DAB2: variants seen among roughly 807,000 people sequenced by gnomAD.
The protein encoded by DAB2 is disabled homolog 2.
A neutral mutation model predicts 71.6 loss-of-function variants in DAB2; 28 were observed. The ratio of observed to expected loss-of-function variants is 0.39; its 90% CI spans 0.29 to 0.54. The LOEUF (loss-of-function observed/expected upper bound fraction) is 0.54, where lower values mean the gene tolerates loss of function less well. DAB2 is among the 20% of genes least tolerant of loss of function. The probability of loss-of-function intolerance (pLI) is 0.68; values close to 1 mark genes in which losing one functional copy is unlikely to be tolerated. For synonymous variants in DAB2, 345 were observed against 339.7 expected (o/e 1.02, Z -0.17); for missense variants, 867 against 928.8 (o/e 0.93, Z 0.86).
At chr5:39,421,946 T>G (rs1374646436) in intron 1 of DAB2, among the ~76,000 whole-genome samples, 1 of 151,010 alleles carries the variant, frequency 6.6e-6, no homozygotes, top group Non-Finnish European at 1.5e-5. Flanking sequence ...GGCGGGTACC[T>G]CTAATCCCAA....
intron 13 of DAB2, among the ~76,000 whole-genome samples, chr5:39,375,740 G>T (rs771748739): frequency 2.0e-5 from 3 of 152,212 alleles, no homozygotes; most frequent in Non-Finnish European, 2.9e-5. Context: ...ACAAAAATTA[G>T]CCAGGTGTGG....
chr5:39,415,427 G>A (rs559496076), intron 1 of DAB2, among the ~76,000 whole-genome samples: 20 of 152,266 alleles, frequency 1.3e-4, no homozygotes, highest in Admixed American at 3.9e-4. Flanking sequence ...TTGGCATTCA[G>A]TCTGGCATTC....
chr5:39,373,959 G>A (rs565767873), intron 14 of DAB2, among the ~76,000 whole-genome samples: 1 of 152,220 alleles, frequency 6.6e-6, no homozygotes, highest in East Asian at 1.9e-4. Flanking sequence ...TAGGACCCAG[G>A]AATTTGCATT....
intron 6 of DAB2, 24 bp from the exon 7 acceptor site, chr5:39,389,147 G>A: frequency 6.3e-7 from 1 of 1,597,384 alleles, no homozygotes; most frequent in Non-Finnish European, 8.6e-7. Context: ...TACATATTCA[G>A]TGATCTTCAT....
intron 9 of DAB2, chr5:39,387,754 T>G (rs2112047780): frequency 6.6e-6 from 1 of 152,130 alleles, no homozygotes; most frequent in African/African-American, 2.4e-5. Flanking sequence ...AATACTGTTC[T>G]GTTCTTACAG....
At chr5:39,383,655 T>A (rs1197397958) in intron 9 of DAB2, among the ~76,000 whole-genome samples, 1 of 152,194 alleles carries the variant, frequency 6.6e-6, no homozygotes, top group South Asian at 2.1e-4. Context: ...TAAATGATTA[T>A]CAAAGTATGT....
At chr5:39,402,682 T>C (rs1190658631) in intron 1 of DAB2, among the ~76,000 whole-genome samples, 1 of 152,224 alleles carries the variant, frequency 6.6e-6, no homozygotes, top group African/African-American at 2.4e-5. Context: ...CCTCTCAAAA[T>C]GTTGTAATTA....
At chr5:39,418,018 T>C (rs1470046748) in intron 1 of DAB2, 1 of 152,234 alleles carries the variant, frequency 6.6e-6, no homozygotes, top group East Asian at 1.9e-4. Context: ...TTGTTTTTTC[T>C]ACTTCAAAAA....
chr5:39,389,152 C>A, intron 6 of DAB2, 29 bp from the exon 7 acceptor site: 2 of 1,590,564 alleles, frequency 1.3e-6, no homozygotes, highest in South Asian at 1.1e-5. Context: ...ATTCAGTGAT[C>A]TTCATATTCA....
At chr5:39,419,096 G>A (rs1394084560) in intron 1 of DAB2, among the ~76,000 whole-genome samples, 1 of 152,184 alleles carries the variant, frequency 6.6e-6, no homozygotes, top group Non-Finnish European at 1.5e-5. Context: ...AGTTTGAGAT[G>A]TGATCTCTGT....
chr5:39,384,969 C>T (rs893676636), intron 9 of DAB2, among the ~76,000 whole-genome samples: 1 of 151,796 alleles, frequency 6.6e-6, no homozygotes, highest in Non-Finnish European at 1.5e-5. Context: ...AAATAGAACT[C>T]CTTGGCTTTT....
intron 9 of DAB2, among the ~76,000 whole-genome samples, chr5:39,387,423 A>T (rs543536188): frequency 6.6e-6 from 1 of 152,304 alleles, no homozygotes; most frequent in African/African-American, 2.4e-5. Context: ...AACTAGATAA[A>T]TACCCTGTAG....
At position 39,380,949 on chromosome 5, in the gene DAB2, C is replaced by T. The variant is rs138734672; in HGVS notation, c.1504+505G>A. Among the ~76,000 whole-genome samples the T allele has an allele frequency of 2.0e-4, 31 of 152,326 alleles. No homozygotes were observed. In the Middle Eastern group the frequency reaches 0.01, roughly 50 times the overall value. On this transcript the variant is annotated intron_variant, in intron 11 of 14. Coordinates refer to ENST00000320816, the MANE Select transcript of DAB2 (RefSeq NM_001343.4). Reference sequence around the variant, plus strand: ...CCTTACCATACACCTAGGAACACAGCTGGGCCCAGAACCTAGGACTTTCAC... The same window carrying T: ...CCTTACCATACACCTAGGAACACAGTTGGGCCCAGAACCTAGGACTTTCAC...
chr5:39,395,573 T>C (rs1755341965), intron 1 of DAB2, among the ~76,000 whole-genome samples: 1 of 152,248 alleles, frequency 6.6e-6, no homozygotes, highest in Admixed American at 6.5e-5. Context: ...CATGTTTTCA[T>C]AGGGGTCAGT....
At chr5:39,394,849 G>T (rs1427427320) in intron 1 of DAB2, among the ~76,000 whole-genome samples, 2 of 152,142 alleles carry the variant, frequency 1.3e-5, no homozygotes, top group African/African-American at 4.8e-5. Context: ...TCGGAAAATT[G>T]CTTAACTATA....
rs139683923 is a variant in DAB2, at chr5:39,422,533, C to T, written c.-102+2271G>A. Among the ~76,000 whole-genome samples the T allele has an allele frequency of 3.2e-3, 494 of 152,298 alleles. No homozygotes were observed. The highest frequency in any genetic ancestry group is 0.012 in the African/African-American group (480 of 41,566). The stretch of plus-strand genomic sequence containing the variant: ...CAGATGAAATATCAGTGGTAGCAAA[C>T]TTAGGTTTATGGACATATGAGGGTA... On this transcript the variant is annotated intron_variant, in intron 1 of 14. Transcript: ENST00000320816. The surrounding 1 kb of genome is among the most constrained non-coding windows in gnomAD (Gnocchi z 4.1).
chr5:39,415,905 A>G (rs1394981596), intron 1 of DAB2, among the ~76,000 whole-genome samples: 2 of 152,176 alleles, frequency 1.3e-5, no homozygotes, highest in Admixed American at 6.5e-5. Context: ...GTATGCAGAT[A>G]TACCTAAAAG....
chr5:39,405,914 C>A (rs1024898230), intron 1 of DAB2, among the ~76,000 whole-genome samples: 1 of 152,146 alleles, frequency 6.6e-6, no homozygotes, highest in African/African-American at 2.4e-5. Flanking sequence ...TGGAAGAAGC[C>A]ATGAGTGATT....
intron 1 of DAB2, among the ~76,000 whole-genome samples, chr5:39,395,937 C>CTTTTTTT (rs3024228): frequency 0.28 from 21,138 of 74,422 alleles, 7,575 homozygotes; most frequent in Middle Eastern, 0.38. Flanking sequence ...CACAGATATT[C>CTTTTTTT]TTTTTTTTTT....
Sources: allele counts gnomAD v4.1 joint callset (sites outside exome capture counted in the v4.1 genomes callset), GRCh38; gene constraint gnomAD v4.1.1; non-coding constraint Gnocchi (gnomAD v3.1); transcripts MANE v1.5; gene names NCBI Gene and HGNC (gene_info 2026-07-23, HGNC 2026-07-21).